Variants in CTNND2 observed in about 807,000 individuals in gnomAD.
CTNND2 encodes catenin delta-2.
CTNND2 carries 22 observed loss-of-function variants against 144.4 expected under a neutral mutation model. The ratio of observed to expected loss-of-function variants is 0.15; its 90% CI spans 0.11 to 0.22. The LOEUF (loss-of-function observed/expected upper bound fraction) is 0.22. Ranked by LOEUF, CTNND2 falls within the 10% of genes least tolerant of loss-of-function variation. The probability of loss-of-function intolerance (pLI) is 1.00; values close to 1 mark genes in which losing one functional copy is unlikely to be tolerated. For synonymous variants in CTNND2, 751 were observed against 695.6 expected (o/e 1.08, Z -1.25); for missense variants, 1,353 against 1,618.8 (o/e 0.84, Z 2.82).
At chr5:11,730,679 A>G (rs997432070) in intron 2 of CTNND2, among the ~76,000 whole-genome samples, 1 of 152,234 alleles carries the variant, frequency 6.6e-6, no homozygotes, top group African/African-American at 2.4e-5. Flanking sequence ...CCTAAATTTT[A>G]TATCCTAATT....
At chr5:11,016,529 G>A (rs1037344368) in intron 18 of CTNND2, among the ~76,000 whole-genome samples, 15 of 152,152 alleles carry the variant, frequency 9.9e-5, no homozygotes, top group African/African-American at 3.1e-4. Context: ...GTGGTCCCAC[G>A]TCCCTGGCCA....
intron 1 of CTNND2, among the ~76,000 whole-genome samples, chr5:11,883,787 A>G (rs1301037648): frequency 2.0e-5 from 3 of 152,126 alleles, no homozygotes; most frequent in Non-Finnish European, 4.4e-5. Context: ...ACTAATTTAC[A>G]CTCCCAACAA....
At chr5:11,064,628 A>G (rs2907096) in intron 16 of CTNND2, among the ~76,000 whole-genome samples, 111,668 of 151,982 alleles carry the variant, frequency 0.73, 41,484 homozygotes, top group East Asian at 0.92. Context: ...GACAAGACCA[A>G]AGTTGGCCTA....
chr5:11,335,325 T>G (rs1753631505), intron 9 of CTNND2, among the ~76,000 whole-genome samples: 2 of 152,200 alleles, frequency 1.3e-5, no homozygotes, highest in Admixed American at 6.5e-5. Flanking sequence ...GAAATTAATT[T>G]TCATTAGTTA....
chr5:11,490,191 A>T (rs32610), intron 3 of CTNND2, among the ~76,000 whole-genome samples: 93,489 of 152,106 alleles, frequency 0.61, 29,768 homozygotes, highest in African/African-American at 0.77. Flanking sequence ...GAGATTTTTT[A>T]AAATTTTCAT....
intron 12 of CTNND2, among the ~76,000 whole-genome samples, chr5:11,158,890 G>GT (rs1350326697): frequency 6.6e-6 from 1 of 152,164 alleles, no homozygotes; most frequent in African/African-American, 2.4e-5. Flanking sequence ...TGGGAGCACA[G>GT]TTTCTAGAGT....
chr5:11,343,128 G>A (rs1754433059), intron 9 of CTNND2, among the ~76,000 whole-genome samples: 1 of 152,084 alleles, frequency 6.6e-6, no homozygotes, highest in Non-Finnish European at 1.5e-5. Context: ...CCAAAGCTTT[G>A]CCACAATCCA....
chr5:11,020,794 C>G (rs1274503595), intron 17 of CTNND2, among the ~76,000 whole-genome samples: 1 of 152,088 alleles, frequency 6.6e-6, no homozygotes, highest in African/African-American at 2.4e-5. Context: ...AGCAGGAGAA[C>G]TGTAACCAGG....
At chr5:11,473,256 A>C (rs1045068102) in intron 3 of CTNND2, among the ~76,000 whole-genome samples, 2 of 152,200 alleles carry the variant, frequency 1.3e-5, no homozygotes, top group Admixed American at 1.3e-4. Context: ...ACCCAACTGA[A>C]GAAGGCCAAC....
chr5:11,713,768 G>A (rs1786176713), intron 2 of CTNND2, among the ~76,000 whole-genome samples: 1 of 151,914 alleles, frequency 6.6e-6, no homozygotes, highest in African/African-American at 2.4e-5. Context: ...CCTTAATTCT[G>A]CAAATTTCTT....
At chr5:11,662,290 T>G (rs897196127) in intron 2 of CTNND2, among the ~76,000 whole-genome samples, 13 of 143,432 alleles carry the variant, frequency 9.1e-5, no homozygotes, top group African/African-American at 2.7e-4. Flanking sequence ...TATATATATA[T>G]AGACAGAGAG....
intron 18 of CTNND2, among the ~76,000 whole-genome samples, chr5:10,999,557 C>A (rs940404691): frequency 1.3e-5 from 2 of 152,196 alleles, no homozygotes; most frequent in African/African-American, 4.8e-5. Flanking sequence ...ATAAAGAACT[C>A]TTTTACTATC....
At chr5:11,049,701 C>A (rs1176110660) in intron 16 of CTNND2, among the ~76,000 whole-genome samples, 1 of 152,164 alleles carries the variant, frequency 6.6e-6, no homozygotes, top group African/African-American at 2.4e-5. Context: ...ATCCAGGCAC[C>A]CAAACCCACC....
chr5:11,771,284 C>T lies in CTNND2; in HGVS notation c.38-39012G>A, dbSNP rs369385953. 5.4e-3 allele frequency among the ~76,000 whole-genome samples: 813 copies of T among 149,490 alleles called. 13 individuals are homozygous for T. The highest frequency in any genetic ancestry group is 0.019 in the African/African-American group (780 of 40,952). On this transcript the variant is annotated intron_variant, in intron 1 of 21. Coordinates refer to ENST00000304623, the MANE Select transcript of CTNND2 (RefSeq NM_001332.4). ...TCAGCTCACTGCAACCTCCACCTTC[C>T]GGCTAATTTTTGTATTTTTAGCAGA...
At chr5:11,371,690 T>A (rs775388471) in intron 7 of CTNND2, among the ~76,000 whole-genome samples, 72 of 152,220 alleles carry the variant, frequency 4.7e-4, no homozygotes, top group Non-Finnish European at 9.7e-4. Flanking sequence ...ATCAAGCCTA[T>A]CAACTGAATT....
At chr5:11,433,357 T>C (rs953170611) in intron 3 of CTNND2, among the ~76,000 whole-genome samples, 1 of 152,186 alleles carries the variant, frequency 6.6e-6, no homozygotes, top group Non-Finnish European at 1.5e-5. Flanking sequence ...CTGATGCACC[T>C]GATGCACATC....
intron 11 of CTNND2, among the ~76,000 whole-genome samples, chr5:11,194,518 C>G: frequency 6.6e-6 from 1 of 152,144 alleles, no homozygotes; most frequent in Non-Finnish European, 1.5e-5. Flanking sequence ...AAAAGACTCC[C>G]CACTACAACA....
chr5:11,443,261 G>T (rs1053858941), intron 3 of CTNND2, among the ~76,000 whole-genome samples: 2 of 123,500 alleles, frequency 1.6e-5, no homozygotes, highest in Non-Finnish European at 3.3e-5. Flanking sequence ...TGCTGTGTGT[G>T]GTGTGTGTGT....
chr5:11,839,773 A>G (rs1328632758), intron 1 of CTNND2, among the ~76,000 whole-genome samples: 1 of 151,064 alleles, frequency 6.6e-6, no homozygotes, highest in Non-Finnish European at 1.5e-5. Flanking sequence ...AGACAGAGAG[A>G]TAGACATAGG....
Sources: gnomAD v4.1 joint callset for allele counts (sites outside exome capture counted in the v4.1 genomes callset) on GRCh38, gnomAD v4.1.1 for gene constraint, MANE v1.5 for transcripts, NCBI Gene and HGNC (gene_info 2026-07-23, HGNC 2026-07-21) for gene names.